Variants in ADAMTS19 observed in about 807,000 individuals in gnomAD.
The protein encoded by ADAMTS19 is ADAM metallopeptidase with thrombospondin type 1 motif 19.
ADAMTS19 carries 93 observed loss-of-function variants against 153.3 expected under a neutral mutation model. That is an observed-to-expected ratio of 0.61 (90% confidence interval 0.51 to 0.72). ADAMTS19 has a LOEUF of 0.72. ADAMTS19 is among the 30% of genes least tolerant of loss of function. The pLI is 0.00. For synonymous variants in ADAMTS19, 600 were observed against 556.6 expected (o/e 1.08, Z -1.10); for missense variants, 1,482 against 1,552.1 (o/e 0.95, Z 0.76).
In ADAMTS19 at chr5:129,461,228, G is replaced by T; in HGVS notation, c.218G>T (p.Gly73Val). Residue 73 changes from glycine (G) to valine (V), a missense_variant, in exon 2 of 23, where the codon GGG becomes GTG. Around this residue, in one of 2 missense-constraint regions of ADAMTS19, gnomAD observed 866 missense variants for 827.7 expected, o/e 1.05. Transcript: ENST00000274487. The surrounding 1 kb of genome is among the most constrained non-coding windows in gnomAD (Gnocchi z 4.6). ...GACCCGGGCTGGGTGCGCGGCGTTG[G>T]GGGCGGCGGAAGCGCCCGGGCGCAG... ...SADPGWVRGV[G>V]GGGSARAQAA... The T allele has an allele frequency of 7.9e-7, 1 of 1,269,270 alleles. No individual in the cohort carries two copies. The highest frequency in any genetic ancestry group is 9.9e-7 in the Non-Finnish European group (1 of 1,013,726). The allele number at this position is 1,269,270 out of a possible 1,614,324, so 78.6% of individuals were successfully genotyped here.
chr5:129,611,531 T>A (rs1336678423), intron 8 of ADAMTS19, among the ~76,000 whole-genome samples: 1 of 152,188 alleles, frequency 6.6e-6, no homozygotes, highest in African/African-American at 2.4e-5. Context: ...CCCAGCACCA[T>A]TTATTAAATA....
rs1440019386 is a variant in ADAMTS19 at position 129,658,515 on chromosome 5, T to G, written c.2305-102T>G. ...ATATGACATTTCATAAGTTTTACAA[T>G]TAAATATATCTGGTTTATAGAGACT... On this transcript the variant is annotated intron_variant, in intron 14 of 22. Coordinates refer to ENST00000274487, the MANE Select transcript of ADAMTS19 (RefSeq NM_133638.6). The G allele has an allele frequency of 4.3e-6, 5 of 1,160,502 alleles. 1 individual carries two copies. 71.9% of individuals were successfully genotyped at this position (1,160,502 alleles called of 1,614,324 possible). A position where few individuals can be genotyped will look rare whatever the true frequency, so the allele number is the denominator to read the frequency against.
chr5:129,563,332 T>G (rs563787467), intron 7 of ADAMTS19, among the ~76,000 whole-genome samples: 1 of 152,296 alleles, frequency 6.6e-6, no homozygotes, highest in South Asian at 2.1e-4. Flanking sequence ...TTATATTGTT[T>G]GTACTGAAAA....
chr5:129,642,583 TAATC>T (rs1350346852), intron 11 of ADAMTS19, among the ~76,000 whole-genome samples: 2 of 152,324 alleles, frequency 1.3e-5, no homozygotes, highest in African/African-American at 4.8e-5. Flanking sequence ...ATGGTTAACA[TAATC>T]AAAAGATAAC....
At chr5:129,535,507 A>G (rs1377873951) in intron 6 of ADAMTS19, among the ~76,000 whole-genome samples, 1 of 152,180 alleles carries the variant, frequency 6.6e-6, no homozygotes, top group African/African-American at 2.4e-5. Flanking sequence ...TAGAGATTCA[A>G]TGCCATCCCC....
chr5:129,538,655 C>G (rs1052256920), intron 6 of ADAMTS19, among the ~76,000 whole-genome samples: 1 of 151,992 alleles, frequency 6.6e-6, no homozygotes, highest in Non-Finnish European at 1.5e-5. Context: ...TTAACAACTA[C>G]CTGTTTACCC....
At chr5:129,659,251 A>T (rs757793393) in intron 15 of ADAMTS19, among the ~76,000 whole-genome samples, 2 of 151,894 alleles carry the variant, frequency 1.3e-5, no homozygotes, top group Non-Finnish European at 2.9e-5. Flanking sequence ...TGTTCCAAAT[A>T]GATTAATAGC....
rs1390858267 is a variant in ADAMTS19, at chr5:129,700,256, A to C, written c.2955-1132A>C. Among the ~76,000 whole-genome samples, 2 of 152,156 alleles carry C rather than the reference A, an allele frequency of 1.3e-5. 1 individual carries two copies. Among genetic ancestry groups the C allele is most frequent in the Non-Finnish European group, 2.9e-5 (2 of 68,032 alleles). On this transcript the variant is annotated intron_variant, in intron 19 of 22. Coordinates refer to ENST00000274487, the MANE Select transcript of ADAMTS19 (RefSeq NM_133638.6). Reference sequence around the variant, plus strand: ...ATGTATTAGCTGCTGAATCAGTGAGATCAAAGAATAATATTGGAGTCCTGA... The same window carrying C: ...ATGTATTAGCTGCTGAATCAGTGAGCTCAAAGAATAATATTGGAGTCCTGA...
At chr5:129,488,709 T>G (rs1321965559) in intron 2 of ADAMTS19, among the ~76,000 whole-genome samples, 1 of 152,128 alleles carries the variant, frequency 6.6e-6, no homozygotes, top group Non-Finnish European at 1.5e-5. Flanking sequence ...TATAACAATT[T>G]GTGGCACTTT....
At chr5:129,467,992 T>C (rs994599818) in intron 2 of ADAMTS19, among the ~76,000 whole-genome samples, 1 of 152,262 alleles carries the variant, frequency 6.6e-6, no homozygotes, top group African/African-American at 2.4e-5. Flanking sequence ...ATTGAGTGTG[T>C]AAAGAGATTC....
At chr5:129,515,089 A>G (rs1191590912) in intron 3 of ADAMTS19, among the ~76,000 whole-genome samples, 2 of 152,032 alleles carry the variant, frequency 1.3e-5, no homozygotes, top group African/African-American at 2.4e-5. Flanking sequence ...TTCAAAAATG[A>G]GTTCACTGTA....
At chr5:129,717,974 C>A (rs986544358) in intron 21 of ADAMTS19, among the ~76,000 whole-genome samples, 4 of 152,092 alleles carry the variant, frequency 2.6e-5, no homozygotes, top group African/African-American at 7.2e-5. Context: ...CCAAAAAGTT[C>A]TCTCTGGTGG....
rs1274834719 is a variant in ADAMTS19, at chr5:129,461,431, G to A, written c.421G>A (p.Gly141Ser). Residue 141 changes from glycine (G) to serine (S), a missense_variant, in exon 2 of 23, where the codon GGC (glycine) becomes AGC (serine). Around this residue, in one of 2 missense-constraint regions of ADAMTS19, gnomAD observed 866 missense variants for 827.7 expected, o/e 1.05. Transcript: ENST00000274487. The surrounding 1 kb of genome is among the most constrained non-coding windows in gnomAD (Gnocchi z 4.6). ...GSSGAAALSPGAPASWQPPPP... is the reference protein window; with the variant it reads ...GSSGAAALSPSAPASWQPPPP... ...CAGCGGGGCTGCCGCCTTGTCCCCG[G>A]GCGCCCCGGCCTCGTGGCAGCCGCC... The A allele has an allele frequency of 2.1e-6, 3 of 1,401,108 alleles. No individual in the cohort carries two copies. Among genetic ancestry groups the A allele is most frequent in the East Asian group, 3.0e-5 (1 of 33,508 alleles). 86.8% of individuals were successfully genotyped at this position (1,401,108 alleles called of 1,614,324 possible). A position where few individuals can be genotyped will look rare whatever the true frequency, so the allele number is the denominator to read the frequency against.
chr5:129,575,745 A>G (rs1355407400), intron 7 of ADAMTS19, among the ~76,000 whole-genome samples: 3 of 152,190 alleles, frequency 2.0e-5, no homozygotes, highest in Non-Finnish European at 4.4e-5. Flanking sequence ...TGTCATAAAC[A>G]TTATATTTTC....
chr5:129,547,352 T>C lies in ADAMTS19; in HGVS notation c.1329-4512T>C, dbSNP rs943698035. 1.3e-5 allele frequency among the ~76,000 whole-genome samples: 2 copies of C among 150,928 alleles called. 1 individual carries two copies. The highest frequency in any genetic ancestry group is 5.0e-5 in the African/African-American group (2 of 40,286). ...CATGATACTGCTGACACATTGATTT[T>C]AGTGCAGTAAAGCCCATTTCAAAAT... On this transcript the variant is annotated intron_variant, in intron 6 of 22. Coordinates refer to ENST00000274487, the MANE Select transcript of ADAMTS19 (RefSeq NM_133638.6).
chr5:129,535,094 C>T (rs369707254), intron 6 of ADAMTS19, among the ~76,000 whole-genome samples: 3 of 152,058 alleles, frequency 2.0e-5, no homozygotes, highest in Non-Finnish European at 4.4e-5. Context: ...AAATAAAGGG[C>T]ATTCAATTAG....
At chr5:129,583,590 T>G (rs1749634565) in intron 7 of ADAMTS19, among the ~76,000 whole-genome samples, 1 of 152,098 alleles carries the variant, frequency 6.6e-6, no homozygotes, top group African/African-American at 2.4e-5. Flanking sequence ...GCCGTATTTC[T>G]TGGAGGTTTT....
At chr5:129,637,147 T>C (rs1463601273) in intron 10 of ADAMTS19, among the ~76,000 whole-genome samples, 1 of 152,204 alleles carries the variant, frequency 6.6e-6, no homozygotes, top group Admixed American at 6.5e-5. Context: ...ATTTGACATA[T>C]TTGCTATAGA....
intron 21 of ADAMTS19, among the ~76,000 whole-genome samples, chr5:129,714,966 GC>G (rs1378737017): frequency 6.6e-6 from 1 of 152,036 alleles, no homozygotes; most frequent in Admixed American, 6.6e-5. Context: ...GAATATTGTA[GC>G]TTTTAAAAAA....
Sources: allele counts gnomAD v4.1 joint callset (sites outside exome capture counted in the v4.1 genomes callset), GRCh38; gene constraint gnomAD v4.1.1; regional missense constraint gnomAD v4.1.1; non-coding constraint Gnocchi (gnomAD v3.1); transcripts MANE v1.5; gene names NCBI Gene and HGNC (gene_info 2026-07-23, HGNC 2026-07-21).